XYLT1: variants seen among roughly 807,000 people sequenced by gnomAD.
XYLT1 encodes the protein beta-D-xylosyltransferase 1.
XYLT1 carries 36 observed loss-of-function variants against 91.3 expected under a neutral mutation model. The observed-to-expected ratio is 0.39, with a 90% CI of 0.30 to 0.52. XYLT1 has a LOEUF of 0.52. XYLT1 is among the 20% of genes least tolerant of loss of function. XYLT1 has a pLI of 0.68. For missense variants in XYLT1, 1,242 were observed against 1,284.5 expected (o/e 0.97, Z 0.51); for synonymous variants, 588 against 532.0 (o/e 1.11, Z -1.45).
At chr16:17,397,827 C>CT (rs749199983) in intron 1 of XYLT1, among the ~76,000 whole-genome samples, 3,607 of 108,706 alleles carry the variant, frequency 0.033, 190 homozygotes, top group African/African-American at 0.11. Context: ...TTGAATAGCT[C>CT]TTTTTTTTTT....
intron 3 of XYLT1, 92 bp from the exon 4 acceptor site, chr16:17,200,746 C>A: frequency 7.1e-7 from 1 of 1,418,296 alleles, no homozygotes; most frequent in Non-Finnish European, 9.8e-7. Context: ...CTTTTGGGGA[C>A]TATTTTAGGG....
chr16:17,147,184 C>T (rs113562733), intron 6 of XYLT1, among the ~76,000 whole-genome samples: 29 of 152,322 alleles, frequency 1.9e-4, no homozygotes, highest in African/African-American at 6.5e-4. Context: ...TGAGCTCTAA[C>T]TGGGTCATCA....
In XYLT1 at chr16:17,117,646, C is replaced by T. The variant is rs200659049; in HGVS notation, c.2557G>A (p.Glu853Lys). 3 of 1,609,772 alleles carry T rather than the reference C, an allele frequency of 1.9e-6. No individual in the cohort carries two copies. The highest frequency in any genetic ancestry group is 2.7e-5 in the African/African-American group (2 of 74,822). The stretch of plus-strand genomic sequence containing the variant: ...CCACATAGACACTGGGAGTACTTAC[C>T]AGGTTTGATGGGCTGCCTGTTCGAG... Reference protein sequence around the residue: ...TFSNRQPIKPEEALKLHNGPL... With the variant: ...TFSNRQPIKPKEALKLHNGPL... Residue 853 changes from glutamate (E) to lysine (K), a missense_variant and splice_region_variant, in exon 11 of 12, where the codon GAG (glutamate) becomes AAG (lysine). Transcript: ENST00000261381.
At chr16:17,305,714 C>T (rs1368458736) in intron 2 of XYLT1, among the ~76,000 whole-genome samples, 1 of 152,126 alleles carries the variant, frequency 6.6e-6, no homozygotes. Flanking sequence ...TCTTTCTTAA[C>T]AGCATTAAAC....
At chr16:17,460,513 G>C (rs2036804718) in intron 1 of XYLT1, among the ~76,000 whole-genome samples, 1 of 152,198 alleles carries the variant, frequency 6.6e-6, no homozygotes, top group Non-Finnish European at 1.5e-5. Flanking sequence ...CATGGGAATA[G>C]GGTAACCACA....
chr16:17,419,317 G>A (rs1396389196), intron 1 of XYLT1, among the ~76,000 whole-genome samples: 1 of 152,020 alleles, frequency 6.6e-6, no homozygotes, highest in Non-Finnish European at 1.5e-5. Context: ...GCTCCAGCCT[G>A]GGCGACAGAG....
At chr16:17,139,883 G>C (rs1393766610) in intron 7 of XYLT1, among the ~76,000 whole-genome samples, 2 of 152,210 alleles carry the variant, frequency 1.3e-5, no homozygotes, top group Non-Finnish European at 2.9e-5. Flanking sequence ...CTGGGTGATG[G>C]GGGCAGTCAG....
chr16:17,338,568 T>G (rs371949044), intron 2 of XYLT1: 25 of 452,786 alleles, frequency 5.5e-5, no homozygotes, highest in African/African-American at 2.4e-4. Flanking sequence ...CTCTGTTCTC[T>G]GTCGGGAATG....
intron 3 of XYLT1, among the ~76,000 whole-genome samples, chr16:17,240,743 G>A (rs991523373): frequency 1.8e-4 from 28 of 152,290 alleles, no homozygotes; most frequent in African/African-American, 6.0e-4. Context: ...CACTGAACAA[G>A]CACCTACTCT....
intron 1 of XYLT1, among the ~76,000 whole-genome samples, chr16:17,385,890 G>T (rs2035742633): frequency 6.6e-6 from 1 of 152,200 alleles, no homozygotes; most frequent in African/African-American, 2.4e-5. Context: ...AGTGGCAATA[G>T]ATGTGGGCTA....
chr16:17,254,996 C>CTTTTT (rs34553607), intron 3 of XYLT1, among the ~76,000 whole-genome samples: 25 of 113,336 alleles, frequency 2.2e-4, no homozygotes, highest in South Asian at 3.0e-4. Context: ...TTTTCTTTTT[C>CTTTTT]TTTTTTTTTT....
chr16:17,358,151 AC>A, intron 1 of XYLT1, 101 bp from the exon 2 acceptor site: 1 of 1,188,570 alleles, frequency 8.4e-7, no homozygotes, highest in South Asian at 1.5e-5. Context: ...TTTTTAAGAG[AC>A]AGGGTCTCGC....
At chr16:17,225,400 C>A (rs2033045297) in intron 3 of XYLT1, among the ~76,000 whole-genome samples, 2 of 152,120 alleles carry the variant, frequency 1.3e-5, no homozygotes, top group Non-Finnish European at 2.9e-5. Context: ...ACGGTGAAAG[C>A]AAAGCATAAA....
intron 5 of XYLT1, among the ~76,000 whole-genome samples, chr16:17,171,341 T>C (rs1476879817): frequency 1.3e-5 from 2 of 152,168 alleles, no homozygotes; most frequent in Non-Finnish European, 2.9e-5. Context: ...TCACCAAGCA[T>C]CTCATTCTCC....
chr16:17,213,194 C>G (rs898989561), intron 3 of XYLT1, among the ~76,000 whole-genome samples: 1 of 152,120 alleles, frequency 6.6e-6, no homozygotes, highest in Non-Finnish European at 1.5e-5. Flanking sequence ...TGTGTGGCAC[C>G]TCCCCTGTCT....
intron 5 of XYLT1, among the ~76,000 whole-genome samples, chr16:17,168,057 G>A (rs1567305247): frequency 6.6e-6 from 1 of 152,212 alleles, no homozygotes; most frequent in African/African-American, 2.4e-5. Context: ...GGCCAAGTTC[G>A]GGACTTGCTG....
chr16:17,313,386 C>A (rs2034579385), intron 2 of XYLT1, among the ~76,000 whole-genome samples: 1 of 152,194 alleles, frequency 6.6e-6, no homozygotes, highest in African/African-American at 2.4e-5. Context: ...AAAAGGCCTC[C>A]CACACAAGCC....
chr16:17,191,826 T>G (rs1353357527), intron 5 of XYLT1, among the ~76,000 whole-genome samples: 1 of 152,250 alleles, frequency 6.6e-6, no homozygotes, highest in African/African-American at 2.4e-5. Context: ...CATGTCCATG[T>G]GGTGGGCCCT....
At chr16:17,465,272 GT>G (rs1440857546) in intron 1 of XYLT1, among the ~76,000 whole-genome samples, 1 of 151,966 alleles carries the variant, frequency 6.6e-6, no homozygotes, top group Non-Finnish European at 1.5e-5. Flanking sequence ...GCAGGCCTGG[GT>G]TTGGATCTCA....
Sources: gnomAD v4.1 joint callset for allele counts (sites outside exome capture counted in the v4.1 genomes callset) on GRCh38, gnomAD v4.1.1 for gene constraint, MANE v1.5 for transcripts, NCBI Gene and HGNC (gene_info 2026-07-23, HGNC 2026-07-21) for gene names.